Variants in KCNAB1 observed in about 807,000 individuals in gnomAD.
KCNAB1 encodes the protein voltage-gated potassium channel subunit beta-1.
In KCNAB1, 35 loss-of-function variants were observed where a neutral mutation model predicts 64.6. That is an observed-to-expected ratio of 0.54 (90% CI 0.41 to 0.72). KCNAB1 has a LOEUF of 0.72. Ranked by LOEUF, KCNAB1 falls within the 30% of genes least tolerant of loss-of-function variation. The probability of loss-of-function intolerance (pLI) is 0.00; values close to 1 mark genes in which losing one functional copy is unlikely to be tolerated. For missense variants in KCNAB1, 401 were observed against 512.9 expected (o/e 0.78, Z 2.11); for synonymous variants, 177 against 183.8 (o/e 0.96, Z 0.30).
intron 1 of KCNAB1, among the ~76,000 whole-genome samples, chr3:156,233,435 G>A (rs1198782838): frequency 6.6e-6 from 1 of 152,128 alleles, no homozygotes; most frequent in Non-Finnish European, 1.5e-5. Context: ...ATGAACTGAA[G>A]GACCAGCAAT....
chr3:156,141,519 C>T (rs1186826385), intron 1 of KCNAB1, among the ~76,000 whole-genome samples: 3 of 151,564 alleles, frequency 2.0e-5, no homozygotes, highest in Non-Finnish European at 2.9e-5. Context: ...AAAATGCAAC[C>T]TTTTGGTATT....
At chr3:156,220,590 A>C (rs558104035) in intron 1 of KCNAB1, among the ~76,000 whole-genome samples, 1 of 151,676 alleles carries the variant, frequency 6.6e-6, no homozygotes, top group African/African-American at 2.4e-5. Context: ...AAATTTGTTT[A>C]AGTTCTTTGT....
intron 8 of KCNAB1, among the ~76,000 whole-genome samples, chr3:156,496,388 A>G (rs765094731): frequency 1.2e-4 from 18 of 151,962 alleles, no homozygotes; most frequent in Non-Finnish European, 2.1e-4. Context: ...GTCTCATGAG[A>G]TCTGATGGTT....
At chr3:156,469,686 GGAA>G (rs1179489494) in intron 7 of KCNAB1, among the ~76,000 whole-genome samples, 3 of 152,142 alleles carry the variant, frequency 2.0e-5, no homozygotes, top group African/African-American at 4.8e-5. Flanking sequence ...CTTTTGAGAT[GGAA>G]GAAGAATTGA....
At chr3:156,491,177 A>G (rs1715603364) in intron 8 of KCNAB1, among the ~76,000 whole-genome samples, 1 of 152,062 alleles carries the variant, frequency 6.6e-6, no homozygotes, top group Admixed American at 6.6e-5. Context: ...CATAAAGATA[A>G]AGCCACAAAG....
intron 1 of KCNAB1, among the ~76,000 whole-genome samples, chr3:156,233,805 AAG>A (rs1322786908): frequency 6.6e-6 from 1 of 152,094 alleles, no homozygotes; most frequent in Non-Finnish European, 1.5e-5. Flanking sequence ...ATGAACAAAA[AAG>A]AGGTGTCAAG....
At chr3:156,390,749 A>AT (rs367822446) in intron 1 of KCNAB1, among the ~76,000 whole-genome samples, 8,619 of 151,194 alleles carry the variant, frequency 0.057, 802 homozygotes, top group African/African-American at 0.2. Flanking sequence ...TGCCCGGCTA[A>AT]TTTTTTTTTG....
At chr3:156,283,185 T>A (rs1403074410) in intron 1 of KCNAB1, among the ~76,000 whole-genome samples, 6 of 150,946 alleles carry the variant, frequency 4.0e-5, no homozygotes, top group African/African-American at 1.2e-4. Flanking sequence ...TCTCAGCATT[T>A]GCTTGTCTGT....
intron 1 of KCNAB1, among the ~76,000 whole-genome samples, chr3:156,212,718 G>T (rs186485104): frequency 3.2e-4 from 49 of 152,280 alleles, no homozygotes; most frequent in Non-Finnish European, 7.4e-5. Flanking sequence ...GCACAGAGGG[G>T]AGGCGAGCAC....
At chr3:156,189,408 T>C (rs571716033) in intron 1 of KCNAB1, among the ~76,000 whole-genome samples, 85 of 152,126 alleles carry the variant, frequency 5.6e-4, no homozygotes, top group Non-Finnish European at 1.1e-3. Context: ...GAAGAAACGA[T>C]GGATGGTGGG....
At chr3:156,484,468 T>C (rs1414216131) in intron 8 of KCNAB1, among the ~76,000 whole-genome samples, 3 of 152,088 alleles carry the variant, frequency 2.0e-5, no homozygotes, top group Non-Finnish European at 2.9e-5. Flanking sequence ...GGTTTATGAC[T>C]CATGTGCACT....
chr3:156,346,851 G>A (rs1724512590), intron 1 of KCNAB1, among the ~76,000 whole-genome samples: 1 of 152,128 alleles, frequency 6.6e-6, no homozygotes, highest in Non-Finnish European at 1.5e-5. Context: ...TTCAGCAGAT[G>A]TTTGTCACAC....
At chr3:156,225,554 C>T (rs1225700241) in intron 1 of KCNAB1, among the ~76,000 whole-genome samples, 1 of 152,116 alleles carries the variant, frequency 6.6e-6, no homozygotes, top group African/African-American at 2.4e-5. Context: ...CAACATAGTA[C>T]TGGTAGTCCT....
intron 2 of KCNAB1, among the ~76,000 whole-genome samples, chr3:156,438,533 T>C (rs552917733): frequency 4.9e-4 from 74 of 152,344 alleles, no homozygotes; most frequent in African/African-American, 1.7e-3. Context: ...ACTGTGGCTT[T>C]CACTGTGAGT....
intron 1 of KCNAB1, among the ~76,000 whole-genome samples, chr3:156,205,850 A>G (rs1235709656): frequency 6.6e-6 from 1 of 152,196 alleles, no homozygotes; most frequent in Admixed American, 6.5e-5. Flanking sequence ...CCATTGCAAA[A>G]AGTGGTCTCA....
At position 156,292,063 on chromosome 3, in the gene KCNAB1, G is replaced by C. The variant is rs762025688; in HGVS notation, c.276-129553G>C. On this transcript the variant is annotated intron_variant, in intron 1 of 13. Transcript: ENST00000490337. ...CTATCATCGCGCGCAGCCTGGGGAC[G>C]TTCACGCCTCAGCATCACATTTCTC... is the stretch of plus-strand genomic sequence containing the variant. 3 of 1,614,014 alleles carry C rather than the reference G, an allele frequency of 1.9e-6. No homozygotes were observed. In the African/African-American group the frequency reaches 4.0e-5, roughly 22 times the overall value.
At position 156,179,428 on chromosome 3, in the gene KCNAB1, A is replaced by G. The variant is rs5013282; in HGVS notation, c.275+58542A>G. 3.1e-4 allele frequency among the ~76,000 whole-genome samples: 28 copies of G among 91,406 alleles called. 1 individual carries two copies. In the East Asian group the frequency reaches 0.01, roughly 33 times the overall value. The allele number at this position is 91,406 out of a possible 152,430, so 60.0% of individuals were successfully genotyped here. On this transcript the variant is annotated intron_variant, in intron 1 of 13. Coordinates refer to ENST00000490337, the MANE Select transcript of KCNAB1 (RefSeq NM_172160.3). ...TCCCTGGTTTGGAACCCCCCCCCCC[A>G]CCCCCTCACCCCCTGCGTTCTTCCC... is the stretch of plus-strand genomic sequence containing the variant.
At chr3:156,270,129 G>C (rs892282589) in intron 1 of KCNAB1, among the ~76,000 whole-genome samples, 28 of 152,036 alleles carry the variant, frequency 1.8e-4, no homozygotes, top group Non-Finnish European at 3.1e-4. Flanking sequence ...TGTTAGCCAG[G>C]ATGGTCTCGA....
intron 1 of KCNAB1, among the ~76,000 whole-genome samples, chr3:156,168,165 T>C (rs1223326074): frequency 6.6e-6 from 1 of 152,128 alleles, no homozygotes; most frequent in Non-Finnish European, 1.5e-5. Flanking sequence ...ATCATGCCAC[T>C]GCACTCCAGC....
Sources: gnomAD v4.1 joint callset for allele counts (sites outside exome capture counted in the v4.1 genomes callset) on GRCh38, gnomAD v4.1.1 for gene constraint, MANE v1.5 for transcripts, NCBI Gene and HGNC (gene_info 2026-07-23, HGNC 2026-07-21) for gene names.